Variants in CES5A observed in about 807,000 individuals in gnomAD.
CES5A encodes carboxylesterase 5A.
In CES5A, 67 loss-of-function variants were observed where a neutral mutation model predicts 62.9. The ratio of observed to expected loss-of-function variants is 1.07; its 90% CI spans 0.88 to 1.31. CES5A has a LOEUF of 1.31. Ranked by LOEUF, CES5A falls within the 50% of genes most tolerant of loss-of-function variation. CES5A has a pLI of 0.00. For missense variants in CES5A, 748 were observed against 708.5 expected, an observed-to-expected ratio of 1.06 and a Z score of -0.63; for synonymous variants, 296 against 280.8, an observed-to-expected ratio of 1.05 and a Z score of -0.54.
upstream of CES5A, among the ~76,000 whole-genome samples, chr16:55,879,098 T>A (rs1220437319): frequency 1.5e-5 from 2 of 132,742 alleles, no homozygotes; most frequent in East Asian, 2.4e-4. Flanking sequence ...CCCATCGCTG[T>A]ACCCTACCAC....
intron 1 of CES5A, among the ~76,000 whole-genome samples, chr16:55,954,809 T>C (rs1381609006): frequency 1.4e-4 from 22 of 152,174 alleles, no homozygotes; most frequent in Admixed American, 1.4e-3. Flanking sequence ...TAAGCATGTA[T>C]ACTTTCCAAA....
upstream of CES5A, among the ~76,000 whole-genome samples, chr16:55,930,059 T>C (rs1224252952): frequency 6.6e-6 from 1 of 152,112 alleles, no homozygotes; most frequent in African/African-American, 2.4e-5. Context: ...TGCCCACCTC[T>C]TTGTCCCAAT....
At chr16:55,907,882 G>A (rs537347979) in intron 1 of CES5A, among the ~76,000 whole-genome samples, 1 of 152,282 alleles carries the variant, frequency 6.6e-6, no homozygotes, top group South Asian at 2.1e-4. Flanking sequence ...GGGCTCCTGG[G>A]AATTGAGATG....
chr16:55,851,848 AGT>A (rs1455405962), intron 10 of CES5A, among the ~76,000 whole-genome samples: 3 of 152,256 alleles, frequency 2.0e-5, no homozygotes, highest in African/African-American at 7.2e-5. Context: ...ATGGAACATT[AGT>A]CAGCCTTAAA....
chr16:55,945,446 C>A (rs559221562), intron 2 of CES5A, among the ~76,000 whole-genome samples: 21 of 152,322 alleles, frequency 1.4e-4, no homozygotes, highest in African/African-American at 3.6e-4. Context: ...ACCAAGGGAC[C>A]AGCAGACCTG....
chr16:55,874,983 T>C (rs140409818), intron 1 of CES5A, among the ~76,000 whole-genome samples, 166 bp downstream of exon 1: 1 of 152,272 alleles, frequency 6.6e-6, no homozygotes, highest in East Asian at 1.9e-4. Context: ...AGAAGGAAGC[T>C]CTGGTCCTAG....
chr16:55,866,311 A>G lies in CES5A; in HGVS notation c.552-195T>C, dbSNP rs117371002. On this transcript the variant is annotated intron_variant, in intron 4 of 12. Coordinates refer to ENST00000290567, the MANE Select transcript of CES5A (RefSeq NM_001143685.2). ...TTGGATTTCTTTGAGAATTTGATGA[A>G]AGCTATGCACCTAAGAAAAATGCAC... Among the ~76,000 whole-genome samples, 179 of 152,224 alleles carry G rather than the reference A, an allele frequency of 1.2e-3. 1 individual carries two copies. The highest frequency in any genetic ancestry group is 1.2e-3 in the Non-Finnish European group (80 of 68,016).
At chr16:55,914,373 G>A (rs1934481239) in intron 1 of CES5A, among the ~76,000 whole-genome samples, 1 of 151,854 alleles carries the variant, frequency 6.6e-6, no homozygotes, top group African/African-American at 2.4e-5. Context: ...CAAATGATGT[G>A]TCTGACCCAT....
chr16:55,901,461 A>G (rs2033989932), intron 1 of CES5A, among the ~76,000 whole-genome samples: 1 of 152,230 alleles, frequency 6.6e-6, no homozygotes, highest in Admixed American at 6.5e-5. Flanking sequence ...TTGTTTTTAA[A>G]GCTTCACACT....
chr16:55,852,648 A>T (rs780161454), intron 10 of CES5A, among the ~76,000 whole-genome samples: 15 of 152,332 alleles, frequency 9.8e-5, no homozygotes, highest in Middle Eastern at 6.8e-3. Flanking sequence ...AATTTTATAC[A>T]TGGTCCTGAA....
At chr16:55,918,304 G>T (rs2034168047) in intron 1 of CES5A, among the ~76,000 whole-genome samples, 1 of 152,130 alleles carries the variant, frequency 6.6e-6, no homozygotes, top group Non-Finnish European at 1.5e-5. Flanking sequence ...GCCTCCCCTT[G>T]GTGGCTGGAT....
At chr16:55,930,987 T>A (rs28679470) in intron 2 of CES5A, among the ~76,000 whole-genome samples, 1,847 of 152,322 alleles carry the variant, frequency 0.012, 39 homozygotes, top group African/African-American at 0.041. Flanking sequence ...CCAGTATGAT[T>A]CTGTAAGGTT....
intron 1 of CES5A, among the ~76,000 whole-genome samples, chr16:55,884,217 G>C (rs1282554975): frequency 1.3e-5 from 2 of 152,220 alleles, no homozygotes; most frequent in African/African-American, 4.8e-5. Flanking sequence ...GCAAAGATTT[G>C]TGGCATTTTA....
upstream of CES5A, among the ~76,000 whole-genome samples, chr16:55,930,180 T>G (rs1385377396): frequency 6.6e-6 from 1 of 151,592 alleles, no homozygotes; most frequent in Non-Finnish European, 1.5e-5. Flanking sequence ...ACATCCTCCC[T>G]CCTCCCCCAG....
rs147862693 is a variant in CES5A, at chr16:55,933,900, G to A, written c.160+15885C>T. On this transcript the variant is annotated intron_variant, in intron 2 of 13. Transcript: ENST00000521992. The stretch of plus-strand genomic sequence containing the variant: ...GCCTACATACTATGACCTCTCTTTC[G>A]TAACCCTTGACCCCACCTCCTCCTA... 2.0e-3 allele frequency among the ~76,000 whole-genome samples: 299 copies of A among 152,130 alleles called. 1 individual carries two copies. Among genetic ancestry groups the A allele is most frequent in the African/African-American group, 6.4e-3 (267 of 41,492 alleles).
chr16:55,938,803 C>CAT (rs201728343), intron 2 of CES5A, among the ~76,000 whole-genome samples: 1,146 of 86,950 alleles, frequency 0.013, 35 homozygotes, highest in African/African-American at 0.055. Context: ...TATATACACA[C>CAT]ATATATATAT....
At chr16:55,904,865 C>A (rs145048531) in intron 1 of CES5A, among the ~76,000 whole-genome samples, 2 of 152,128 alleles carry the variant, frequency 1.3e-5, no homozygotes, top group African/African-American at 4.8e-5. Flanking sequence ...TAATCCATAC[C>A]TCCCCCTACA....
At chr16:55,930,302 T>C (rs1016634004), upstream of CES5A, among the ~76,000 whole-genome samples, 4 of 152,012 alleles carry the variant, frequency 2.6e-5, no homozygotes, top group Non-Finnish European at 5.9e-5. Context: ...TCCAGCATCA[T>C]CCTTTGCCAG....
chr16:55,875,382 A>T, upstream of CES5A: 1 of 1,420,652 alleles, frequency 7.0e-7, no homozygotes, highest in Non-Finnish European at 9.2e-7. Context: ...ATATTCTCAA[A>T]GGAATTGACT....
Sources: allele counts gnomAD v4.1 joint callset (sites outside exome capture counted in the v4.1 genomes callset), GRCh38; gene constraint gnomAD v4.1.1; transcripts MANE v1.5; gene names NCBI Gene and HGNC (gene_info 2026-07-23, HGNC 2026-07-21).